The following BCKDHB variants were observed in gnomAD, a reference collection of about 807,000 sequenced individuals.
BCKDHB encodes branched chain keto acid dehydrogenase E1 subunit beta, also known as 2-oxoisovalerate dehydrogenase subunit beta, mitochondrial.
Under a neutral mutation model 48.5 loss-of-function variants are expected in BCKDHB, and 41 were observed. The observed-to-expected ratio is 0.85, with a 90% CI of 0.66 to 1.10. The LOEUF is 1.10. BCKDHB is among the 50% of genes least tolerant of loss of function. BCKDHB has a pLI of 0.00. For missense variants in BCKDHB, 496 were observed against 494.2 expected (o/e 1.00, Z -0.03); for synonymous variants, 201 against 174.8 (o/e 1.15, Z -1.18).
intron 8 of BCKDHB, among the ~76,000 whole-genome samples, chr6:80,212,381 G>A (rs9359411): frequency 0.36 from 55,101 of 151,874 alleles, 11,924 homozygotes; most frequent in East Asian, 0.55. Context: ...AGAATTTAGC[G>A]ATATCTCTCC....
rs530499601 is a variant in BCKDHB, at chr6:80,138,623, T to A, written c.343+9394T>A. On this transcript the variant is annotated intron_variant, in intron 3 of 9. Coordinates refer to ENST00000320393, the MANE Select transcript of BCKDHB (RefSeq NM_183050.4). ...CCATGTCCCTACAAAGGACATGAAC[T>A]CATCATTTTTTATGGCTGCATAGTA... 3.0e-3 allele frequency among the ~76,000 whole-genome samples: 458 copies of A among 152,312 alleles called. 6 individuals carry two copies. Among genetic ancestry groups the A allele is most frequent in the African/African-American group, 0.011 (443 of 41,550 alleles).
intron 9 of BCKDHB, among the ~76,000 whole-genome samples, chr6:80,325,592 C>T (rs892481895): frequency 2.0e-5 from 3 of 152,292 alleles, no homozygotes; most frequent in African/African-American, 7.2e-5. Flanking sequence ...GTAAATGACA[C>T]ATGTTTGAGT....
chr6:80,238,738 T>TA (rs1647667596), intron 8 of BCKDHB, among the ~76,000 whole-genome samples: 1 of 135,552 alleles, frequency 7.4e-6, no homozygotes, highest in African/African-American at 2.5e-5. Context: ...CTCCTAATGC[T>TA]ATCCCTCCCC....
chr6:80,130,349 T>C (rs888874388), intron 3 of BCKDHB, among the ~76,000 whole-genome samples: 1 of 152,188 alleles, frequency 6.6e-6, no homozygotes, highest in African/African-American at 2.4e-5. Context: ...AGTGAGGGTC[T>C]TTAAAATTTT....
chr6:80,120,610 C>T (rs1389384230), intron 1 of BCKDHB, among the ~76,000 whole-genome samples: 1 of 152,084 alleles, frequency 6.6e-6, no homozygotes, highest in Admixed American at 6.5e-5. Context: ...CTCTGATGAC[C>T]GGTGATGATA....
the BCKDHB span, among the ~76,000 whole-genome samples, chr6:80,365,203 C>T: frequency 6.6e-6 from 1 of 152,320 alleles, no homozygotes; most frequent in South Asian, 2.1e-4. Flanking sequence ...AGCAGAACTA[C>T]TGATAAGGGT....
intron 8 of BCKDHB, among the ~76,000 whole-genome samples, chr6:80,269,946 A>G (rs1777665725): frequency 6.6e-6 from 1 of 152,124 alleles, no homozygotes; most frequent in South Asian, 2.1e-4. Flanking sequence ...GTGAACATTA[A>G]AAGCCTATTA....
intron 9 of BCKDHB, among the ~76,000 whole-genome samples, chr6:80,286,710 A>G (rs1336665484): frequency 6.6e-6 from 1 of 152,190 alleles, no homozygotes; most frequent in Admixed American, 6.5e-5. Context: ...CCTTTCAACT[A>G]TGAAACCAGC....
chr6:80,307,714 G>T (rs1446016411), intron 9 of BCKDHB: 1 of 976,320 alleles, frequency 1.0e-6, no homozygotes. Context: ...TAAATGTCCA[G>T]ATTGACTTTT....
rs60116640 is a variant in BCKDHB at position 80,128,872 on chromosome 6, C to CTGTGTGTG, written c.275-260_275-253dup. Among the ~76,000 whole-genome samples the CTGTGTGTG allele has an allele frequency of 9.4e-4, 139 of 147,524 alleles. 1 individual carries two copies. The highest frequency in any genetic ancestry group is 3.0e-3 in the African/African-American group (119 of 40,084). On this transcript the variant is annotated intron_variant, in intron 2 of 9. Coordinates refer to ENST00000320393, the MANE Select transcript of BCKDHB (RefSeq NM_183050.4). ...GTGAAGACACTTTTTGTTGTCTCAA[C>CTGTGTGTG]TGTGTGTGTGTGTGTGTGTGTGTGT...
chr6:80,305,696 T>C (rs1023483813), intron 9 of BCKDHB, among the ~76,000 whole-genome samples: 1 of 152,172 alleles, frequency 6.6e-6, no homozygotes, highest in Non-Finnish European at 1.5e-5. Context: ...CACATGTAGA[T>C]GTTGTGGACA....
At chr6:80,205,262 T>A (rs1164776276) in intron 8 of BCKDHB, among the ~76,000 whole-genome samples, 3 of 152,072 alleles carry the variant, frequency 2.0e-5, no homozygotes, top group Non-Finnish European at 2.9e-5. Flanking sequence ...GAAGCTTTTT[T>A]AATTCATCTT....
At chr6:80,248,865 A>T (rs1776718870) in intron 8 of BCKDHB, among the ~76,000 whole-genome samples, 1 of 151,218 alleles carries the variant, frequency 6.6e-6, no homozygotes, top group Non-Finnish European at 1.5e-5. Context: ...TTTTCTATAG[A>T]TAGATACCCT....
At chr6:80,276,089 A>G (rs1777958216) in intron 9 of BCKDHB, among the ~76,000 whole-genome samples, 1 of 152,036 alleles carries the variant, frequency 6.6e-6, no homozygotes, top group Admixed American at 6.5e-5. Context: ...AATGATGTAT[A>G]AATTTGAGTA....
chr6:80,344,277 T>TAC lies in BCKDHB; in HGVS notation c.*473_*474insAC. The TAC allele has an allele frequency of 9.2e-6, 2 of 217,674 alleles. No homozygotes were observed. Among genetic ancestry groups the TAC allele is most frequent in the Admixed American group, 5.3e-5 (1 of 19,042 alleles). The allele number at this position is 217,674 out of a possible 1,614,324, so 13.5% of individuals were successfully genotyped here. ...GCCTTAGCCTCCCAAAGTGCTGGGA[T>TAC]TACAGGCATGAGCCACTGCACCTGG... is the stretch of plus-strand genomic sequence containing the variant. On this transcript the variant is annotated 3_prime_UTR_variant, in exon 10 of 10. Coordinates refer to ENST00000320393, the MANE Select transcript of BCKDHB (RefSeq NM_183050.4).
the BCKDHB span, among the ~76,000 whole-genome samples, chr6:80,363,743 G>A: frequency 6.6e-6 from 1 of 152,218 alleles, no homozygotes; most frequent in Non-Finnish European, 1.5e-5. Flanking sequence ...AGCACAAGGA[G>A]TACAGCAGTG....
intron 8 of BCKDHB, among the ~76,000 whole-genome samples, chr6:80,255,510 A>T (rs996761999): frequency 2.0e-5 from 3 of 152,232 alleles, no homozygotes; most frequent in Non-Finnish European, 2.9e-5. Context: ...GAAGGGAAAA[A>T]AAAGAAAAAA....
At chr6:80,312,633 A>G (rs1044887595) in intron 9 of BCKDHB, among the ~76,000 whole-genome samples, 4 of 152,146 alleles carry the variant, frequency 2.6e-5, no homozygotes, top group Admixed American at 2.6e-4. Flanking sequence ...AGCATTTTTA[A>G]CATGAAGGGA....
intron 1 of BCKDHB, among the ~76,000 whole-genome samples, chr6:80,115,494 T>TG (rs1045100831): frequency 9.9e-5 from 15 of 152,230 alleles, no homozygotes; most frequent in African/African-American, 3.6e-4. Flanking sequence ...GAGGTTTTGT[T>TG]GGGGAAAACA....
Sources: gnomAD v4.1 joint callset for allele counts (sites outside exome capture counted in the v4.1 genomes callset) on GRCh38, gnomAD v4.1.1 for gene constraint, MANE v1.5 for transcripts, NCBI Gene and HGNC (gene_info 2026-07-23, HGNC 2026-07-21) for gene names.